The following ZNF385C variants were observed in gnomAD, a reference collection of about 807,000 sequenced individuals.
The protein encoded by ZNF385C is zinc finger protein 385C.
In ZNF385C, 28 loss-of-function variants were observed where a neutral mutation model predicts 35.4. The ratio of observed to expected loss-of-function variants is 0.79; its 90% CI spans 0.59 to 1.08. The LOEUF is 1.08. Among genes scored for constraint, ZNF385C ranks in the 50% least tolerant of loss-of-function variants. The pLI is 0.00. For synonymous variants in ZNF385C, 248 were observed against 248.2 expected (o/e 1.00, Z 0.01); for missense variants, 605 against 595.6 (o/e 1.02, Z -0.16).
intron 1 of ZNF385C, among the ~76,000 whole-genome samples, chr17:42,078,527 G>A (rs1555659454): frequency 1.3e-5 from 2 of 151,896 alleles, no homozygotes; most frequent in African/African-American, 4.9e-5. Context: ...GGTTGGTAAT[G>A]GATTCTTGGA....
At chr17:42,031,867 A>G in intron 4 of ZNF385C, 83 bp from the exon 5 acceptor site, 1 of 1,477,542 alleles carries the variant, frequency 6.8e-7, no homozygotes, top group Non-Finnish European at 9.1e-7. Context: ...GCAGGGGGAC[A>G]GGTCAAAGGG....
intron 2 of ZNF385C, among the ~76,000 whole-genome samples, chr17:42,053,902 C>A (rs1387981458): frequency 6.6e-6 from 1 of 152,088 alleles, no homozygotes; most frequent in Admixed American, 6.5e-5. Context: ...GCAAATGAAA[C>A]CCAGCCAGAG....
At chr17:42,033,542 G>A (rs969334123) in intron 4 of ZNF385C, among the ~76,000 whole-genome samples, 1 of 152,168 alleles carries the variant, frequency 6.6e-6, no homozygotes. Context: ...CTTGAGCCCA[G>A]GAGTTCGAGA....
rs558531728 is a variant in ZNF385C at position 42,065,359 on chromosome 17, AGCAGACAAGCTCATCTCCCCAGAGG to A, written c.-2-2326_-2-2302del. The A allele has an allele frequency of 3.9e-5, 6 of 152,336 alleles. No individual in the cohort carries two copies. In the South Asian group the frequency reaches 8.3e-4, roughly 21 times the overall value. 9.4% of individuals were successfully genotyped at this position (152,336 alleles called of 1,614,324 possible). A position where few individuals can be genotyped will look rare whatever the true frequency, so the allele number is the denominator to read the frequency against. ...TGTGGTACTTTGTTATGGCAACCTGAGCAGACAAGCTCATCTCCCCAGAGGGCATTTCCTGTGTTCTGAGGCCCAT... is the reference window on the plus strand; with the variant it reads ...TGTGGTACTTTGTTATGGCAACCTGAGCATTTCCTGTGTTCTGAGGCCCAT... On this transcript the variant is annotated intron_variant, in intron 1 of 8. Transcript: ENST00000692273.
At chr17:42,027,401 C>T (rs1018076081) in intron 8 of ZNF385C, among the ~76,000 whole-genome samples, 1 of 152,006 alleles carries the variant, frequency 6.6e-6, no homozygotes, top group East Asian at 1.9e-4. Context: ...TGCACGCCCA[C>T]CCCTCACTCT....
chr17:42,032,159 C>T (rs2052745684), intron 4 of ZNF385C, among the ~76,000 whole-genome samples: 1 of 152,148 alleles, frequency 6.6e-6, no homozygotes, highest in Non-Finnish European at 1.5e-5. Context: ...CTCCCGGGTT[C>T]AAGCGATTCT....
In ZNF385C at chr17:42,026,331, A is replaced by C. The variant is rs1284139255; in HGVS notation, c.*566T>G. ...AGATGAAGCCCCCAAAAGCTTTCAG[A>C]ACCAGCCCCACTACCTCCTTGGCTC... On this transcript the variant is annotated 3_prime_UTR_variant, in exon 9 of 9. Transcript: ENST00000692273. 1.2e-4 allele frequency: 19 copies of C among 157,464 alleles called. No homozygotes were observed. Among genetic ancestry groups the C allele is most frequent in the African/African-American group, 4.6e-4 (19 of 41,464 alleles). 9.8% of individuals were successfully genotyped at this position (157,464 alleles called of 1,614,324 possible).
At chr17:42,031,901 G>C in intron 4 of ZNF385C, 117 bp from the exon 5 acceptor site, 1 of 1,169,246 alleles carries the variant, frequency 8.6e-7, no homozygotes, top group Non-Finnish European at 1.2e-6. Context: ...GTCACACAAA[G>C]GGCAAGTCCT....
rs1353917479 is a variant in ZNF385C, at chr17:42,034,283, G to T, written c.452C>A (p.Pro151His). The T allele has an allele frequency of 1.3e-6, 2 of 1,550,538 alleles. No individual in the cohort carries two copies. The highest frequency in any genetic ancestry group is 2.7e-5 in the African/African-American group (2 of 73,034). ...GGAAATGAACAGCTTCTTCTTCAGA[G>T]GGGAGGGGACACCAAACGTGTGGCT... ...VISHTFGVPS[P>H]LKKKLFISCN... Residue 151 changes from proline (P) to histidine (H), a missense_variant, in exon 4 of 9, where the codon CCT becomes CAT. Coordinates refer to ENST00000692273, the MANE Select transcript of ZNF385C (RefSeq NM_001392013.1).
intron 1 of ZNF385C, among the ~76,000 whole-genome samples, chr17:42,063,299 C>T (rs1353953650): frequency 3.3e-5 from 5 of 152,128 alleles, no homozygotes; most frequent in African/African-American, 7.2e-5. Flanking sequence ...GAGGCCGAGG[C>T]GGGCAGGTCA....
At chr17:42,033,129 C>T (rs955059934) in intron 4 of ZNF385C, among the ~76,000 whole-genome samples, 1 of 152,124 alleles carries the variant, frequency 6.6e-6, no homozygotes, top group Non-Finnish European at 1.5e-5. Flanking sequence ...TGCTGCTCCC[C>T]GGCCCACCTC....
chr17:42,038,405 G>A (rs2052916857), intron 2 of ZNF385C: 1 of 287,266 alleles, frequency 3.5e-6, no homozygotes, highest in Non-Finnish European at 6.5e-6. Flanking sequence ...CTGAAGGGAT[G>A]TGCTCCCCAG....
chr17:42,034,263 T>C lies in ZNF385C; in HGVS notation c.472A>G (p.Ile158Val), dbSNP rs781817181. 6.4e-7 allele frequency: 1 copy of C among 1,550,608 alleles called. No homozygotes were observed. The change falls in exon 4 of 9, where the codon ATT (isoleucine) becomes GTT (valine). Residue 158 changes from isoleucine to valine, a missense_variant. Coordinates refer to ENST00000692273, the MANE Select transcript of ZNF385C (RefSeq NM_001392013.1). ...CTCAGGTGACAGATGTTACAGGAAA[T>C]GAACAGCTTCTTCTTCAGAGGGGAG... ...VPSPLKKKLFISCNICHLRFN... is the reference protein window; with the variant it reads ...VPSPLKKKLFVSCNICHLRFN...
intron 2 of ZNF385C, chr17:42,040,268 A>G: frequency 8.1e-7 from 1 of 1,231,548 alleles, no homozygotes; most frequent in Non-Finnish European, 1.0e-6. Flanking sequence ...CCCCGGAGCC[A>G]CTCCAAGCCC....
chr17:42,065,007 C>T (rs1268498909), intron 1 of ZNF385C: 1 of 151,980 alleles, frequency 6.6e-6, no homozygotes, highest in Admixed American at 6.6e-5. Context: ...GCCACCATGC[C>T]CAGCTGATTT....
At chr17:42,042,085 A>G (rs970665457) in intron 2 of ZNF385C, among the ~76,000 whole-genome samples, 2 of 152,246 alleles carry the variant, frequency 1.3e-5, no homozygotes, top group Non-Finnish European at 2.9e-5. Context: ...CAGCCCCAAA[A>G]GAAAACTAAG....
intron 1 of ZNF385C, among the ~76,000 whole-genome samples, chr17:42,091,594 G>A (rs975734884): frequency 3.3e-5 from 5 of 152,248 alleles, no homozygotes; most frequent in African/African-American, 1.2e-4. Flanking sequence ...TGGCTCCCAC[G>A]TGTGGCTTCA....
At chr17:42,088,138 CAT>C (rs1555660247) in intron 1 of ZNF385C, among the ~76,000 whole-genome samples, 1 of 152,170 alleles carries the variant, frequency 6.6e-6, no homozygotes, top group Non-Finnish European at 1.5e-5. Context: ...GTAATCATTA[CAT>C]ATGTTTGCTA....
intron 2 of ZNF385C, among the ~76,000 whole-genome samples, chr17:42,057,944 A>G (rs1382621303): frequency 6.6e-6 from 1 of 152,036 alleles, no homozygotes. Context: ...CTCTGTCTCA[A>G]AAAAAAGAAA....
Sources: gnomAD v4.1 joint callset for allele counts (sites outside exome capture counted in the v4.1 genomes callset) on GRCh38, gnomAD v4.1.1 for gene constraint, MANE v1.5 for transcripts, NCBI Gene and HGNC (gene_info 2026-07-23, HGNC 2026-07-21) for gene names.